MYO1D: variants seen among roughly 807,000 people sequenced by gnomAD.
MYO1D encodes the protein myosin ID.
In MYO1D, 83 loss-of-function variants were observed where a neutral mutation model predicts 122.0. That is an observed-to-expected ratio of 0.68 (90% CI 0.57 to 0.82). The LOEUF (loss-of-function observed/expected upper bound fraction) is 0.82, where lower values mean the gene tolerates loss of function less well. Ranked by LOEUF, MYO1D falls within the 40% of genes least tolerant of loss-of-function variation. The probability of loss-of-function intolerance (pLI) is 0.00; values close to 1 mark genes in which losing one functional copy is unlikely to be tolerated. For missense variants in MYO1D, 1,157 were observed against 1,269.5 expected (o/e 0.91, Z 1.35); for synonymous variants, 464 against 446.9 (o/e 1.04, Z -0.48).
At chr17:32,673,769 C>T (rs1022516697) in intron 16 of MYO1D, among the ~76,000 whole-genome samples, 12 of 152,240 alleles carry the variant, frequency 7.9e-5, no homozygotes, top group Admixed American at 5.9e-4. Context: ...TGCATATAGG[C>T]CCAATGACAC....
At chr17:32,849,754 G>A (rs1038201684) in intron 1 of MYO1D, among the ~76,000 whole-genome samples, 4 of 151,950 alleles carry the variant, frequency 2.6e-5, no homozygotes, top group Non-Finnish European at 5.9e-5. Context: ...CATGGCACAT[G>A]TATACATATG....
At chr17:32,836,363 T>A (rs28483635) in intron 1 of MYO1D, among the ~76,000 whole-genome samples, 7,664 of 152,264 alleles carry the variant, frequency 0.05, 592 homozygotes, top group African/African-American at 0.17. Context: ...AGAGCACATA[T>A]AGGGCATAGT....
intron 16 of MYO1D, among the ~76,000 whole-genome samples, chr17:32,700,817 G>GC (rs908986594): frequency 1.3e-5 from 2 of 151,662 alleles, no homozygotes; most frequent in Non-Finnish European, 2.9e-5. Context: ...GGTGGTGTGC[G>GC]CCTGTAATAC....
At chr17:32,716,820 C>T (rs2089454155) in intron 15 of MYO1D, among the ~76,000 whole-genome samples, 1 of 152,204 alleles carries the variant, frequency 6.6e-6, no homozygotes, top group African/African-American at 2.4e-5. Flanking sequence ...ACTGCATGAC[C>T]CTGGTTCTCT....
At chr17:32,638,697 C>T in intron 20 of MYO1D, 25 bp downstream of exon 20, 1 of 1,512,972 alleles carries the variant, frequency 6.6e-7, no homozygotes. Flanking sequence ...GAATCTTTAT[C>T]CAGAGAGAAG....
At chr17:32,827,002 A>G (rs952515846) in intron 1 of MYO1D, among the ~76,000 whole-genome samples, 6 of 152,242 alleles carry the variant, frequency 3.9e-5, no homozygotes, top group Non-Finnish European at 7.3e-5. Context: ...AATATTAAAA[A>G]TAGATTTACC....
intron 17 of MYO1D, chr17:32,658,750 A>C (rs1054362503): frequency 1.3e-5 from 3 of 235,350 alleles, no homozygotes; most frequent in African/African-American, 6.9e-5. Context: ...AGCAGAATTG[A>C]GAACCACTGC....
chr17:32,833,503 G>A (rs1294075411), intron 1 of MYO1D, among the ~76,000 whole-genome samples: 2 of 152,088 alleles, frequency 1.3e-5, no homozygotes, highest in African/African-American at 2.4e-5. Context: ...AACAGCAGCC[G>A]GAGTAATTCC....
chr17:32,766,996 T>C (rs954063845), intron 7 of MYO1D, among the ~76,000 whole-genome samples: 2 of 152,226 alleles, frequency 1.3e-5, no homozygotes, highest in African/African-American at 4.8e-5. Context: ...AGTTAAATCT[T>C]GCTATATTAA....
chr17:32,755,814 A>T, intron 10 of MYO1D, 152 bp from the exon 11 acceptor site: 1 of 566,852 alleles, frequency 1.8e-6, no homozygotes, highest in Non-Finnish European at 3.0e-6. Flanking sequence ...TAAAAAGAGT[A>T]CACATTCTAA....
chr17:32,524,564 CTTTTT>C (rs11323072), intron 21 of MYO1D, among the ~76,000 whole-genome samples: 1 of 119,302 alleles, frequency 8.4e-6, no homozygotes, highest in African/African-American at 3.2e-5. Flanking sequence ...CTGATTAATT[CTTTTT>C]TTTTTTTTTT....
chr17:32,529,528 T>G (rs1197391105), intron 21 of MYO1D: 1 of 152,644 alleles, frequency 6.6e-6, no homozygotes, highest in Non-Finnish European at 1.5e-5. Context: ...TATAATCGTG[T>G]GTGTGTGTGT....
At position 32,780,768 on chromosome 17, in the gene MYO1D, T is replaced by G; in HGVS notation, c.112A>C (p.Ile38Leu). The part of the protein sequence containing the change: ...NLRLRFEKGR[I>L]YTFIGEVVVS... Reference sequence around the variant, plus strand: ...ACGACTTCTCCAATGAACGTATAGATGCGCCCTTTTTCAAATCTGTACAGA... The same window carrying G: ...ACGACTTCTCCAATGAACGTATAGAGGCGCCCTTTTTCAAATCTGTACAGA... The change falls in exon 2 of 22, where the codon ATC becomes CTC. Residue 38 changes from isoleucine (I) to leucine (L), a missense_variant. By Grantham distance (5) the Ile-to-Leu change is conservative. Transcript: ENST00000318217. The G allele has an allele frequency of 6.2e-7, 1 of 1,614,168 alleles. No individual in the cohort carries two copies.
intron 4 of MYO1D, among the ~76,000 whole-genome samples, chr17:32,773,291 C>T (rs2090138456): frequency 6.6e-6 from 1 of 152,188 alleles, no homozygotes. Context: ...CAGTTCCTTT[C>T]CTTTTCTGGT....
At chr17:32,819,002 A>G (rs2151056288) in intron 1 of MYO1D, among the ~76,000 whole-genome samples, 1 of 152,314 alleles carries the variant, frequency 6.6e-6, no homozygotes, top group Non-Finnish European at 1.5e-5. Flanking sequence ...GGAATGTTAA[A>G]AACTAGGATA....
chr17:32,815,359 T>A (rs1051260027), intron 1 of MYO1D, among the ~76,000 whole-genome samples: 14 of 152,198 alleles, frequency 9.2e-5, no homozygotes, highest in African/African-American at 3.4e-4. Context: ...CAACCTGGAT[T>A]TTCCTTATTT....
intron 1 of MYO1D, among the ~76,000 whole-genome samples, chr17:32,872,778 G>C (rs2091193054): frequency 6.7e-6 from 1 of 149,986 alleles, no homozygotes; most frequent in Admixed American, 6.6e-5. Flanking sequence ...CTCACTGCAA[G>C]CTCCGCTTCC....
At chr17:32,581,387 A>G (rs1330621830) in intron 21 of MYO1D, among the ~76,000 whole-genome samples, 2 of 149,776 alleles carry the variant, frequency 1.3e-5, no homozygotes, top group Non-Finnish European at 1.5e-5. Flanking sequence ...GATGTTTGCT[A>G]TTGTTTTTCT....
chr17:32,839,799 T>C (rs929482645), intron 1 of MYO1D, among the ~76,000 whole-genome samples: 29 of 152,196 alleles, frequency 1.9e-4, no homozygotes, highest in African/African-American at 6.8e-4. Flanking sequence ...TTTGTTATTC[T>C]GAAAATGGGT....
Sources: gnomAD v4.1 joint callset for allele counts (sites outside exome capture counted in the v4.1 genomes callset) on GRCh38, gnomAD v4.1.1 for gene constraint, MANE v1.5 for transcripts, NCBI Gene and HGNC (gene_info 2026-07-23, HGNC 2026-07-21) for gene names.